L3MBTL4: variants seen among roughly 807,000 people sequenced by gnomAD.
The protein encoded by L3MBTL4 is L3MBTL histone methyl-lysine binding protein 4.
A neutral mutation model predicts 84.5 loss-of-function variants in L3MBTL4; 70 were observed. The observed-to-expected ratio is 0.83, with a 90% CI of 0.68 to 1.01. The LOEUF (loss-of-function observed/expected upper bound fraction) is 1.01. Among genes scored for constraint, L3MBTL4 ranks in the 50% least tolerant of loss-of-function variants. L3MBTL4 has a pLI of 0.00. For synonymous variants in L3MBTL4, 274 were observed against 259.8 expected, an observed-to-expected ratio of 1.05 and a Z score of -0.52; for missense variants, 715 against 754.8, an observed-to-expected ratio of 0.95 and a Z score of 0.62.
intron 16 of L3MBTL4, among the ~76,000 whole-genome samples, chr18:6,015,674 C>T (rs2054933808): frequency 6.6e-6 from 1 of 152,162 alleles, no homozygotes; most frequent in Non-Finnish European, 1.5e-5. Context: ...AAAAATTAAT[C>T]ATGGCTGGGT....
At chr18:6,228,541 CAAT>C (rs2046869183) in intron 10 of L3MBTL4, among the ~76,000 whole-genome samples, 1 of 151,846 alleles carries the variant, frequency 6.6e-6, no homozygotes, top group Non-Finnish European at 1.5e-5. Context: ...TCTCAAAACT[CAAT>C]AATAAGAAAA....
intron 4 of L3MBTL4, among the ~76,000 whole-genome samples, chr18:6,297,311 C>G (rs1412272505): frequency 6.6e-6 from 1 of 152,114 alleles, no homozygotes; most frequent in Non-Finnish European, 1.5e-5. Flanking sequence ...ATGCTAAATA[C>G]CAAGTGATAT....
intron 14 of L3MBTL4, among the ~76,000 whole-genome samples, chr18:6,135,003 T>C (rs780148489): frequency 6.6e-6 from 1 of 152,208 alleles, no homozygotes; most frequent in Non-Finnish European, 1.5e-5. Flanking sequence ...TGCTTGGGCA[T>C]CCAGGCATTT....
chr18:6,116,783 T>A (rs1473480888), intron 14 of L3MBTL4, among the ~76,000 whole-genome samples: 2 of 152,236 alleles, frequency 1.3e-5, no homozygotes, highest in African/African-American at 4.8e-5. Flanking sequence ...ATGCTGTTTA[T>A]AACATAATTA....
chr18:6,031,196 A>T (rs1209932593), intron 16 of L3MBTL4: 3 of 985,272 alleles, frequency 3.0e-6, no homozygotes, highest in Non-Finnish European at 2.4e-6. Context: ...GAGTAGAATG[A>T]TCATTGAGCA....
At chr18:6,239,094 C>G (rs1307649329) in intron 9 of L3MBTL4, among the ~76,000 whole-genome samples, 1 of 152,064 alleles carries the variant, frequency 6.6e-6, no homozygotes. Flanking sequence ...GTAATCCCAG[C>G]ACTTTGGGAG....
At chr18:6,211,889 T>C (rs1163970148) in intron 12 of L3MBTL4, among the ~76,000 whole-genome samples, 1 of 152,200 alleles carries the variant, frequency 6.6e-6, no homozygotes. Context: ...CCTCAGGTGA[T>C]ACGCCCGCCT....
At chr18:6,411,273 T>TA (rs11405174) in intron 1 of L3MBTL4, among the ~76,000 whole-genome samples, 86,442 of 151,942 alleles carry the variant, frequency 0.57, 24,607 homozygotes, top group African/African-American at 0.59. Flanking sequence ...TGCATTTTTT[T>TA]ATGGACCTAA....
intron 1 of L3MBTL4, among the ~76,000 whole-genome samples, chr18:6,329,048 T>C (rs2051875133): frequency 6.6e-6 from 1 of 152,198 alleles, no homozygotes; most frequent in Non-Finnish European, 1.5e-5. Flanking sequence ...AACATGTGAA[T>C]GTGTACCCTT....
At chr18:6,096,605 C>A (rs533744861) in intron 14 of L3MBTL4, among the ~76,000 whole-genome samples, 1 of 152,062 alleles carries the variant, frequency 6.6e-6, no homozygotes. Flanking sequence ...CATGCACGTA[C>A]GCATGCATGT....
At chr18:5,961,161 T>C (rs1275631366) in intron 17 of L3MBTL4, among the ~76,000 whole-genome samples, 1 of 152,210 alleles carries the variant, frequency 6.6e-6, no homozygotes, top group East Asian at 1.9e-4. Flanking sequence ...TGCTGGCCCT[T>C]CTCCTCTCCC....
chr18:6,288,929 C>T (rs986286617), intron 4 of L3MBTL4, among the ~76,000 whole-genome samples: 27 of 151,568 alleles, frequency 1.8e-4, no homozygotes, highest in Middle Eastern at 3.4e-3. Flanking sequence ...AAAACTGAAA[C>T]AAATTGCTGA....
intron 1 of L3MBTL4, among the ~76,000 whole-genome samples, chr18:6,363,940 A>G (rs935009531): frequency 1.0e-4 from 15 of 149,442 alleles, no homozygotes; most frequent in African/African-American, 3.2e-4. Flanking sequence ...AACAGCTGGG[A>G]AAAAAAAAAG....
At chr18:6,048,828 G>A (rs926933985) in intron 16 of L3MBTL4, among the ~76,000 whole-genome samples, 12 of 151,108 alleles carry the variant, frequency 7.9e-5, no homozygotes, top group East Asian at 1.9e-4. Context: ...TACTGGTACA[G>A]TGTATACCTC....
intron 12 of L3MBTL4, among the ~76,000 whole-genome samples, chr18:6,206,104 G>A (rs911924458): frequency 2.0e-5 from 3 of 152,200 alleles, no homozygotes; most frequent in Non-Finnish European, 2.9e-5. Context: ...AGCTTTGAAT[G>A]AAGGGCCAAG....
At chr18:6,258,429 G>T (rs192554297) in intron 5 of L3MBTL4, among the ~76,000 whole-genome samples, 94 of 152,280 alleles carry the variant, frequency 6.2e-4, no homozygotes, top group Non-Finnish European at 1.0e-3. Context: ...GGGCATGGAT[G>T]GGGAGAGGAT....
At chr18:5,978,379 C>T (rs2053052441) in intron 16 of L3MBTL4, among the ~76,000 whole-genome samples, 1 of 152,136 alleles carries the variant, frequency 6.6e-6, no homozygotes, top group South Asian at 2.1e-4. Flanking sequence ...AGAGAGCAAT[C>T]TTTTAGTTTA....
At chr18:5,963,257 A>C (rs2052154390) in intron 17 of L3MBTL4, among the ~76,000 whole-genome samples, 1 of 152,198 alleles carries the variant, frequency 6.6e-6, no homozygotes, top group Non-Finnish European at 1.5e-5. Flanking sequence ...GAAGTGTTGC[A>C]AGTTGCTTTG....
chr18:5,961,299 C>T (rs9952429), intron 17 of L3MBTL4, among the ~76,000 whole-genome samples: 56,115 of 151,856 alleles, frequency 0.37, 10,635 homozygotes, highest in East Asian at 0.5. Flanking sequence ...CTGCCCCTGA[C>T]GGTGCAGGAG....
Sources: allele counts gnomAD v4.1 joint callset (sites outside exome capture counted in the v4.1 genomes callset), GRCh38; gene constraint gnomAD v4.1.1; transcripts MANE v1.5; gene names NCBI Gene and HGNC (gene_info 2026-07-23, HGNC 2026-07-21).